Variants in ACAT1 observed in about 807,000 individuals in gnomAD.
ACAT1 encodes the protein acetyl-CoA acetyltransferase 1.
Under a neutral mutation model 47.3 loss-of-function variants are expected in ACAT1, and 28 were observed. The ratio of observed to expected loss-of-function variants is 0.59; its 90% confidence interval spans 0.44 to 0.81. The LOEUF (loss-of-function observed/expected upper bound fraction) is 0.81. ACAT1 is among the 30% of genes least tolerant of loss of function. ACAT1 has a pLI of 0.00. For synonymous variants in ACAT1, 181 were observed against 173.6 expected (o/e 1.04, Z -0.34); for missense variants, 469 against 524.3 (o/e 0.89, Z 1.03).
Position 108,140,022 on chromosome 11 carries a change from A to G in ACAT1, c.580-43A>G, listed in dbSNP as rs114483036. The G allele has an allele frequency of 8.8e-4, 1,401 of 1,584,260 alleles. 10 individuals carry two copies. In the African/African-American group the frequency reaches 0.014, roughly 16 times the overall value. ...AGGCAAAGTTAATAGATATTTTCTA[A>G]ATTATGCAAAGTTAACTTTAAAATA... On this transcript the variant is annotated intron_variant, in intron 6 of 11. Coordinates refer to ENST00000265838, the MANE Select transcript of ACAT1 (RefSeq NM_000019.4).
intron 7 of ACAT1, 96 bp downstream of exon 7, chr11:108,140,311 C>T: frequency 7.0e-7 from 1 of 1,424,666 alleles, no homozygotes; most frequent in Non-Finnish European, 9.9e-7. Context: ...TGGTTCATTT[C>T]AACTGCTTAT....
At chr11:108,120,944 T>C (rs983902004), upstream of ACAT1, among the ~76,000 whole-genome samples, 1 of 151,986 alleles carries the variant, frequency 6.6e-6, no homozygotes, top group Non-Finnish European at 1.5e-5. Flanking sequence ...CCTGCGCCTG[T>C]AATCCCAGCA....
At chr11:108,125,109 A>G (rs980258274) in intron 1 of ACAT1, among the ~76,000 whole-genome samples, 11 of 152,220 alleles carry the variant, frequency 7.2e-5, no homozygotes, top group African/African-American at 2.4e-4. Flanking sequence ...AATAAATAAA[A>G]TCAGTCTCTT....
At position 108,129,688 on chromosome 11, in the gene ACAT1, C is replaced by T. The variant is rs539053964; in HGVS notation, c.73-2219C>T. Among the ~76,000 whole-genome samples, 116 of 152,146 alleles carry T rather than the reference C, an allele frequency of 7.6e-4. 1 individual carries two copies. Among genetic ancestry groups the T allele is most frequent in the African/African-American group, 2.6e-3 (110 of 41,520 alleles). On this transcript the variant is annotated intron_variant, in intron 1 of 11. Transcript: ENST00000265838. ...GGCCTTCATATAATGACTTCTTTTC[C>T]TCTGGGTAGATACCCAGTAGTGGAA...
At chr11:108,138,736 C>T (rs2077521016) in intron 5 of ACAT1, 162 bp from the exon 6 acceptor site, 1 of 816,052 alleles carries the variant, frequency 1.2e-6, no homozygotes, top group African/African-American at 1.7e-5. Flanking sequence ...CATTTCTTTT[C>T]ATCAGGGTGA....
chr11:108,138,967 C>A lies in ACAT1; in HGVS notation c.505C>A (p.Pro169Thr). Residue 169 changes from proline (P) to threonine (T), a missense_variant, in exon 6 of 12, where the codon CCA (proline) becomes ACA (threonine). Pro to Thr is a conservative substitution (Grantham distance 38). Transcript: ENST00000265838. The stretch of plus-strand genomic sequence containing the variant: ...ATATGTAATGAACAGAGGATCAACA[C>A]CATATGGTGGGGTAAAGCTTGAAGA... ...VPYVMNRGST[P>T]YGGVKLEDLI... The A allele has an allele frequency of 1.2e-6, 2 of 1,614,050 alleles. No individual in the cohort carries two copies. Among genetic ancestry groups the A allele is most frequent in the Non-Finnish European group, 1.7e-6 (2 of 1,179,990 alleles).
At position 108,147,558 on chromosome 11, in the gene ACAT1, T is replaced by A. The variant is rs2077746663; in HGVS notation, c.*168T>A. On this transcript the variant is annotated 3_prime_UTR_variant, in exon 12 of 12. Transcript: ENST00000265838. ...ATGAAATCCCAAAACATTTTGAAAT[T>A]AAAAATAAATTTCTTCTTCTGCTTT... 2 of 899,982 alleles carry A rather than the reference T, an allele frequency of 2.2e-6. No individual in the cohort carries two copies. The highest frequency in any genetic ancestry group is 1.7e-5 in the South Asian group (1 of 59,746). The allele number at this position is 899,982 out of a possible 1,614,324, so 55.7% of individuals were successfully genotyped here.
chr11:108,128,730 CTG>C (rs2077297104), intron 1 of ACAT1: 4 of 152,170 alleles, frequency 2.6e-5, no homozygotes, highest in Admixed American at 2.6e-4. Context: ...GAAGGGATAA[CTG>C]TGCCATCTTT....
At chr11:108,122,892 A>G (rs2077177889) in intron 1 of ACAT1, among the ~76,000 whole-genome samples, 1 of 152,188 alleles carries the variant, frequency 6.6e-6, no homozygotes, top group Non-Finnish European at 1.5e-5. Flanking sequence ...ATGTAAAAAA[A>G]AAAAGTTCAG....
intron 6 of ACAT1, 179 bp downstream of exon 6, chr11:108,139,220 G>T (rs1210238244): frequency 6.6e-6 from 5 of 763,196 alleles, no homozygotes; most frequent in East Asian, 2.8e-5. Flanking sequence ...AGTCATTAAA[G>T]AAATTTTCCC....
intron 2 of ACAT1, 97 bp from the exon 3 acceptor site, chr11:108,133,723 T>C: frequency 2.0e-6 from 2 of 994,180 alleles, no homozygotes; most frequent in Non-Finnish European, 3.1e-6. Flanking sequence ...GATGACTCAT[T>C]CATAGAAGTG....
rs779337885 is a variant in ACAT1 at position 108,133,041 on chromosome 11, C to T, written c.121-779C>T. Among the ~76,000 whole-genome samples, 30 of 151,260 alleles carry T rather than the reference C, an allele frequency of 2.0e-4. 1 individual carries two copies. Among genetic ancestry groups the T allele is most frequent in the Admixed American group, 4.0e-4 (6 of 15,154 alleles). ...CTCTATTAAAAATACAAAAATTAGC[C>T]GGGTGTGGTTGCAGATGCCTGTAAT... On this transcript the variant is annotated intron_variant, in intron 2 of 11. Coordinates refer to ENST00000265838, the MANE Select transcript of ACAT1 (RefSeq NM_000019.4).
At chr11:108,145,639 GTACCTTTTCAAAT>G (rs1174250096) in intron 10 of ACAT1, among the ~76,000 whole-genome samples, 3 of 152,174 alleles carry the variant, frequency 2.0e-5, no homozygotes, top group Non-Finnish European at 4.4e-5. Flanking sequence ...AATAGAAAAT[GTACCTTTTCAAAT>G]ATCTGTGGAA....
upstream of ACAT1, among the ~76,000 whole-genome samples, chr11:108,118,628 C>T (rs2077104137): frequency 1.3e-5 from 2 of 152,180 alleles, no homozygotes; most frequent in African/African-American, 4.8e-5. Flanking sequence ...CCTTGGCCTC[C>T]TAAAGTGCTG....
chr11:108,142,145 G>A (rs960975565), intron 8 of ACAT1, among the ~76,000 whole-genome samples: 2 of 152,186 alleles, frequency 1.3e-5, no homozygotes, highest in African/African-American at 4.8e-5. Flanking sequence ...AGACCCTGGA[G>A]ACAAAAATAT....
chr11:108,136,383 A>G (rs1591364891), intron 5 of ACAT1: 2 of 300,512 alleles, frequency 6.7e-6, no homozygotes, highest in Non-Finnish European at 1.2e-5. Context: ...TTTCCATAAA[A>G]GTTGTACCAG....
upstream of ACAT1, among the ~76,000 whole-genome samples, chr11:108,120,257 G>T (rs2077125312): frequency 6.6e-6 from 1 of 151,980 alleles, no homozygotes; most frequent in African/African-American, 2.4e-5. Context: ...TGTGCTTTGG[G>T]AGGCCAAGGC....
chr11:108,131,881 T>C (rs1158495231), intron 1 of ACAT1, 26 bp from the exon 2 acceptor site: 2 of 1,114,798 alleles, frequency 1.8e-6, no homozygotes, highest in Non-Finnish European at 1.3e-6. Context: ...TTTTACATTA[T>C]AACATTATAA....
intron 9 of ACAT1, chr11:108,143,724 T>G: frequency 2.7e-6 from 1 of 366,052 alleles, no homozygotes; most frequent in Non-Finnish European, 5.0e-6. Flanking sequence ...TGAACTATTC[T>G]GACAACCAAA....
Sources: gnomAD v4.1 joint callset for allele counts (sites outside exome capture counted in the v4.1 genomes callset) on GRCh38, gnomAD v4.1.1 for gene constraint, MANE v1.5 for transcripts, NCBI Gene and HGNC (gene_info 2026-07-23, HGNC 2026-07-21) for gene names.